The following SLC27A2 variants were observed in gnomAD, a reference collection of about 807,000 sequenced individuals.
The protein encoded by SLC27A2 is long-chain fatty acid transport protein 2.
In SLC27A2, 54 loss-of-function variants were observed where a neutral mutation model predicts 60.0. The ratio of observed to expected loss-of-function variants is 0.90; its 90% CI spans 0.72 to 1.13. SLC27A2 has a LOEUF of 1.13. Ranked by LOEUF, SLC27A2 falls within the 50% of genes most tolerant of loss-of-function variation. The pLI is 0.00. For synonymous variants in SLC27A2, 297 were observed against 297.6 expected (o/e 1.00, Z 0.02); for missense variants, 739 against 777.6 (o/e 0.95, Z 0.59).
Position 50,205,350 on chromosome 15 carries a change from G to A in SLC27A2, c.959G>A (p.Cys320Tyr). The change falls in exon 4 of 10, where the codon TGC becomes TAC. Residue 320 changes from cysteine to tyrosine, a missense_variant. Transcript: ENST00000267842. ...ATCGGTGAACTGCTTCGGTATTTAT[G>A]CAACTCACCACAGGTAACACTCCCC... is the stretch of plus-strand genomic sequence containing the variant. ...QYIGELLRYLCNSPQKPNDRD... is the reference protein window; with the variant it reads ...QYIGELLRYLYNSPQKPNDRD... The A allele has an allele frequency of 6.2e-7, 1 of 1,605,934 alleles. No individual in the cohort carries two copies. Among genetic ancestry groups the A allele is most frequent in the Non-Finnish European group, 8.5e-7 (1 of 1,174,828 alleles).
At chr15:50,207,316 T>G (rs777811234) in intron 4 of SLC27A2, among the ~76,000 whole-genome samples, 11 of 152,204 alleles carry the variant, frequency 7.2e-5, no homozygotes, top group Non-Finnish European at 1.5e-4. Context: ...ACAATTTCAC[T>G]GGGGTTTTAC....
At chr15:50,219,812 GCTC>G (rs1373323882) in intron 4 of SLC27A2, among the ~76,000 whole-genome samples, 2 of 152,056 alleles carry the variant, frequency 1.3e-5, no homozygotes, top group Non-Finnish European at 2.9e-5. Context: ...TTGACCTCTT[GCTC>G]CTCATCAGTC....
chr15:50,188,982 A>AATAGATAG (rs199573332), intron 1 of SLC27A2, among the ~76,000 whole-genome samples: 1,833 of 135,484 alleles, frequency 0.014, 15 homozygotes, highest in Middle Eastern at 0.019. Flanking sequence ...TAGATAGATA[A>AATAGATAG]ATAGATAGAT....
intron 8 of SLC27A2, among the ~76,000 whole-genome samples, chr15:50,231,848 C>A (rs1350971269): frequency 2.0e-5 from 3 of 152,088 alleles, no homozygotes; most frequent in Non-Finnish European, 4.4e-5. Flanking sequence ...GACCAGGGAG[C>A]CAGTTTTAGC....
intron 1 of SLC27A2, among the ~76,000 whole-genome samples, chr15:50,191,792 G>T (rs2044975839): frequency 6.6e-6 from 1 of 152,194 alleles, no homozygotes; most frequent in South Asian, 2.1e-4. Context: ...CCAGGCAGTG[G>T]CTCATGCCTG....
intron 5 of SLC27A2, 147 bp from the exon 6 acceptor site, chr15:50,225,841 G>A (rs1360957144): frequency 4.0e-6 from 2 of 494,024 alleles, no homozygotes; most frequent in Admixed American, 3.4e-5. Context: ...AGTTTTCTCT[G>A]TCTCTCTCTG....
At position 50,216,602 on chromosome 15, in the gene SLC27A2, G is replaced by A. The variant is rs12906728; in HGVS notation, c.973-6363G>A. 1.4e-3 allele frequency among the ~76,000 whole-genome samples: 66 copies of A among 47,480 alleles called. 1 individual carries two copies. The highest frequency in any genetic ancestry group is 3.8e-3 in the African/African-American group (63 of 16,432). The allele number at this position is 47,480 out of a possible 152,430, so 31.1% of individuals were successfully genotyped here. ...AGTGGATAAAGAAACTGTGGTGTGT[G>A]TGTGTGTGTATATATATATATATAT... On this transcript the variant is annotated intron_variant, in intron 4 of 9. Coordinates refer to ENST00000267842, the MANE Select transcript of SLC27A2 (RefSeq NM_003645.4).
intron 4 of SLC27A2, among the ~76,000 whole-genome samples, chr15:50,215,732 C>A (rs1235739950): frequency 6.6e-6 from 1 of 152,118 alleles, no homozygotes; most frequent in South Asian, 2.1e-4. Flanking sequence ...CCCTATTCAA[C>A]AAATGGTGCT....
At chr15:50,187,969 C>CAAA (rs36119542) in intron 1 of SLC27A2, among the ~76,000 whole-genome samples, 1 of 105,734 alleles carries the variant, frequency 9.5e-6, no homozygotes. Context: ...GAGAGGCCAC[C>CAAA]AAAAAAAAAA....
Position 50,226,117 on chromosome 15 carries a change from T to G in SLC27A2, c.1258+39T>G, listed in dbSNP as rs532373670. 20 of 1,273,532 alleles carry G rather than the reference T, an allele frequency of 1.6e-5. No individual in the cohort carries two copies. The East Asian group carries it at 3.9e-4, about 25-fold the overall frequency. 78.9% of individuals were successfully genotyped at this position (1,273,532 alleles called of 1,614,324 possible). ...TTGTTCAATCAACCTGTGCCCCTTC[T>G]TATCTTGATCAAGTGACTTTTAAGG... On this transcript the variant is annotated intron_variant, in intron 6 of 9. Transcript: ENST00000267842.
intron 1 of SLC27A2, among the ~76,000 whole-genome samples, chr15:50,196,866 A>C (rs1400929122): frequency 6.6e-6 from 1 of 152,330 alleles, no homozygotes; most frequent in Middle Eastern, 3.4e-3. Flanking sequence ...AAATTGTTAC[A>C]TAAAGTTAGC....
chr15:50,190,079 AAGG>A (rs1567426418), intron 1 of SLC27A2, among the ~76,000 whole-genome samples: 2 of 152,224 alleles, frequency 1.3e-5, no homozygotes, highest in African/African-American at 4.8e-5. Context: ...TGTGGGGAAG[AAGG>A]AGGAGCACAT....
chr15:50,188,466 T>A (rs1325476132), intron 1 of SLC27A2, among the ~76,000 whole-genome samples: 1 of 152,208 alleles, frequency 6.6e-6, no homozygotes, highest in African/African-American at 2.4e-5. Context: ...AGGAAATATT[T>A]AATTTTCTAA....
chr15:50,201,962 C>T (rs760186243), intron 2 of SLC27A2, among the ~76,000 whole-genome samples: 1 of 152,242 alleles, frequency 6.6e-6, no homozygotes, highest in African/African-American at 2.4e-5. Context: ...CTCTGACTCT[C>T]AGCCTTCACA....
chr15:50,200,496 T>C (rs2045055695), intron 2 of SLC27A2, among the ~76,000 whole-genome samples: 1 of 152,148 alleles, frequency 6.6e-6, no homozygotes, highest in South Asian at 2.1e-4. Context: ...AATTTTGAAT[T>C]GTGTTTACAA....
chr15:50,203,640 A>G (rs142378582), intron 3 of SLC27A2, among the ~76,000 whole-genome samples: 1 of 152,266 alleles, frequency 6.6e-6, no homozygotes, highest in African/African-American at 2.4e-5. Context: ...GTATATACAC[A>G]CACATATATG....
At chr15:50,219,199 G>A (rs989608639) in intron 4 of SLC27A2, among the ~76,000 whole-genome samples, 7 of 152,128 alleles carry the variant, frequency 4.6e-5, no homozygotes, top group African/African-American at 1.2e-4. Flanking sequence ...TGAAATTGAC[G>A]AAACAAGAGA....
Position 50,235,986 on chromosome 15 carries a change from CCTG to C in SLC27A2, c.1757_1759del (p.Ala586del), listed in dbSNP as rs1312712920. ...GACCCTGGTGGAGGAGGGCTTTAAC[CCTG>C]CTGTCATCAAAGATGCCTTGTATTT... On this transcript the variant is annotated inframe_deletion, in exon 10 of 10. Transcript: ENST00000267842. 1.2e-6 allele frequency: 2 copies of C among 1,613,944 alleles called. No homozygotes were observed. Among genetic ancestry groups the C allele is most frequent in the African/African-American group, 2.7e-5 (2 of 74,918 alleles).
intron 1 of SLC27A2, among the ~76,000 whole-genome samples, chr15:50,191,844 G>T (rs2044976331): frequency 6.6e-6 from 1 of 152,184 alleles, no homozygotes; most frequent in African/African-American, 2.4e-5. Context: ...CGGATCACTT[G>T]AGGTTGGGAG....
Sources: allele counts gnomAD v4.1 joint callset (sites outside exome capture counted in the v4.1 genomes callset), GRCh38; gene constraint gnomAD v4.1.1; transcripts MANE v1.5; gene names NCBI Gene and HGNC (gene_info 2026-07-23, HGNC 2026-07-21).